CCDC7: variants seen among roughly 807,000 people sequenced by gnomAD.
CCDC7 encodes coiled-coil domain-containing protein 7.
Under a neutral mutation model 196.9 loss-of-function variants are expected in CCDC7, and 183 were observed. The ratio of observed to expected loss-of-function variants is 0.93; its 90% confidence interval spans 0.82 to 1.05. The LOEUF (loss-of-function observed/expected upper bound fraction) is 1.05, where lower values mean the gene tolerates loss of function less well. Ranked by LOEUF, CCDC7 falls within the 50% of genes least tolerant of loss-of-function variation. The pLI is 0.00. For synonymous variants in CCDC7, 525 were observed against 484.6 expected (o/e 1.08, Z -1.10); for missense variants, 1,540 against 1,482.2 (o/e 1.04, Z -0.64).
chr10:32,604,560 G>T (rs1465323271), intron 18 of CCDC7, among the ~76,000 whole-genome samples: 1 of 152,152 alleles, frequency 6.6e-6, no homozygotes, highest in Non-Finnish European at 1.5e-5. Flanking sequence ...CAGTGAGCAT[G>T]AGATGTTCTT....
intron 18 of CCDC7, among the ~76,000 whole-genome samples, chr10:32,585,536 C>A (rs1311942580): frequency 6.6e-6 from 1 of 152,110 alleles, no homozygotes; most frequent in Admixed American, 6.5e-5. Flanking sequence ...GGCCCCCACC[C>A]CTGACAGGCC....
chr10:32,740,774 T>C (rs1407319776), intron 28 of CCDC7, among the ~76,000 whole-genome samples: 2 of 152,238 alleles, frequency 1.3e-5, no homozygotes, highest in Non-Finnish European at 2.9e-5. Flanking sequence ...ATTAAAACTT[T>C]ATCTTTGTGT....
At chr10:32,569,066 A>G (rs991913725) in intron 15 of CCDC7, among the ~76,000 whole-genome samples, 6 of 152,260 alleles carry the variant, frequency 3.9e-5, no homozygotes, top group Non-Finnish European at 7.3e-5. Flanking sequence ...TAACTAAAAC[A>G]TCACATTGCT....
At chr10:32,697,990 G>C (rs2078007807) in intron 24 of CCDC7, among the ~76,000 whole-genome samples, 1 of 152,174 alleles carries the variant, frequency 6.6e-6, no homozygotes, top group Admixed American at 6.5e-5. Flanking sequence ...GAAGGATCAG[G>C]CAGCAACCTT....
rs2947052 is a variant in CCDC7 at position 32,518,254 on chromosome 10, C to A, written c.904-162C>A. Among the ~76,000 whole-genome samples the A allele has an allele frequency of 2.0e-3, 294 of 146,862 alleles. 3 individuals are homozygous for A. The highest frequency in any genetic ancestry group is 7.1e-3 in the African/African-American group (281 of 39,828). ...CCTTGACACGTGTAGATCTTTTATG[C>A]CTTTCAGCTCCAATTATTGTGTCAC... On this transcript the variant is annotated intron_variant, in intron 10 of 41. Coordinates refer to ENST00000639629, the Ensembl canonical transcript of CCDC7.
chr10:32,634,982 A>G (rs1007798148), intron 19 of CCDC7, 75 bp from the exon 21 acceptor site: 7 of 396,718 alleles, frequency 1.8e-5, no homozygotes, highest in African/African-American at 8.2e-5. Context: ...CATTAATTTT[A>G]CACAAATGAG....
At chr10:32,881,917 G>A (rs567763426), downstream of CCDC7, among the ~76,000 whole-genome samples, 6 of 152,172 alleles carry the variant, frequency 3.9e-5, no homozygotes, top group African/African-American at 1.2e-4. Flanking sequence ...CGAGGATCAC[G>A]ACACAAGTTC....
intron 25 of CCDC7, among the ~76,000 whole-genome samples, chr10:32,713,375 C>A (rs369596358): frequency 2.6e-5 from 4 of 152,238 alleles, no homozygotes; most frequent in African/African-American, 9.6e-5. Context: ...AAACTTTGTC[C>A]TAGGTGTAGG....
rs1590507844 is a variant in CCDC7, at chr10:32,608,224, C to A, written c.1801+23920C>A. On this transcript the variant is annotated intron_variant, in intron 18 of 41. Coordinates refer to ENST00000639629, the Ensembl canonical transcript of CCDC7. ...TTGTTGCTTAGTCCAGCTAACAGTT[C>A]ATCAATTTTGATTAGCTTTAAAAAA... Among the ~76,000 whole-genome samples the A allele has an allele frequency of 2.0e-5, 3 of 152,088 alleles. No individual in the cohort carries two copies. The East Asian group carries it at 5.8e-4, about 29-fold the overall frequency.
rs558505455 is a variant in CCDC7 at position 32,614,769 on chromosome 10, C to T, written c.1802-19485C>T. ...AACCACCCACCTTCTGCCATTAGCA[C>T]CTGCACATGTCCTTTGGGGGCCAAG... On this transcript the variant is annotated intron_variant, in intron 18 of 41. Coordinates refer to ENST00000639629, the Ensembl canonical transcript of CCDC7. 1.5e-3 allele frequency among the ~76,000 whole-genome samples: 221 copies of T among 152,310 alleles called. 1 individual carries two copies. Among genetic ancestry groups the T allele is most frequent in the African/African-American group, 5.1e-3 (210 of 41,562 alleles).
At chr10:32,794,727 A>G (rs1487315025) in intron 29 of CCDC7, among the ~76,000 whole-genome samples, 2 of 152,066 alleles carry the variant, frequency 1.3e-5, no homozygotes, top group South Asian at 2.1e-4. Flanking sequence ...TGGTGCATGT[A>G]TGTCTTCTTT....
chr10:32,717,955 T>G (rs2081874083), intron 25 of CCDC7, among the ~76,000 whole-genome samples: 1 of 149,434 alleles, frequency 6.7e-6, no homozygotes, highest in Admixed American at 6.7e-5. Flanking sequence ...ACCAGAGGTA[T>G]AATCAGGAGC....
At chr10:32,445,711 T>C (rs955857512), upstream of CCDC7, among the ~76,000 whole-genome samples, 7 of 152,270 alleles carry the variant, frequency 4.6e-5, no homozygotes, top group Admixed American at 3.9e-4. Context: ...GTCCATTTGA[T>C]TTTGTTTTGC....
chr10:32,812,070 A>G (rs1016697692), intron 30 of CCDC7, among the ~76,000 whole-genome samples: 5 of 152,146 alleles, frequency 3.3e-5, no homozygotes, highest in African/African-American at 1.2e-4. Flanking sequence ...CCTCAAACTA[A>G]TAAAGTCCAT....
rs557576213 is a variant in CCDC7 at position 32,705,386 on chromosome 10, G to A, written c.2459-6234G>A. On this transcript the variant is annotated intron_variant, in intron 24 of 41. Transcript: ENST00000639629. The stretch of plus-strand genomic sequence containing the variant: ...AACATGCCAAATTGTAAAGACCATC[G>A]ATGCTAGGAAGAAACTGCACCAACT... 5.9e-5 allele frequency among the ~76,000 whole-genome samples: 9 copies of A among 152,074 alleles called. No homozygotes were observed. In the South Asian group the frequency reaches 6.2e-4, roughly 11 times the overall value.
At position 32,822,000 on chromosome 10, in the gene CCDC7, GAA is replaced by G. The variant is rs35583848; in HGVS notation, c.3182-2508_3182-2507del. 2.0e-3 allele frequency among the ~76,000 whole-genome samples: 299 copies of G among 149,088 alleles called. 1 individual carries two copies. Among genetic ancestry groups the G allele is most frequent in the Non-Finnish European group, 3.7e-3 (253 of 67,480 alleles). On this transcript the variant is annotated intron_variant, in intron 31 of 41. Coordinates refer to ENST00000639629, the Ensembl canonical transcript of CCDC7. Reference sequence around the variant, plus strand: ...AAACAAAACAATAAATAAAAGTGCTGAAAAAAAAAAATCTACCAACCAATAAT... The same window carrying G: ...AAACAAAACAATAAATAAAAGTGCTGAAAAAAAAATCTACCAACCAATAAT...
At chr10:32,507,580 A>G (rs1399781046) in intron 9 of CCDC7, among the ~76,000 whole-genome samples, 1 of 152,084 alleles carries the variant, frequency 6.6e-6, no homozygotes, top group African/African-American at 2.4e-5. Flanking sequence ...CCTCCTGAGT[A>G]GCTGGAATTA....
At chr10:32,489,392 G>A (rs564669304) in intron 8 of CCDC7, among the ~76,000 whole-genome samples, 2 of 152,332 alleles carry the variant, frequency 1.3e-5, no homozygotes, top group East Asian at 1.9e-4. Context: ...GCGTGGGCTA[G>A]CTTGTTGTGG....
chr10:32,601,266 T>A (rs977130259), intron 18 of CCDC7, among the ~76,000 whole-genome samples: 3 of 152,200 alleles, frequency 2.0e-5, no homozygotes, highest in African/African-American at 7.2e-5. Context: ...AGTTGAGGTT[T>A]CACCATGTTG....
Sources: allele counts gnomAD v4.1 joint callset (sites outside exome capture counted in the v4.1 genomes callset), GRCh38; gene constraint gnomAD v4.1.1; transcripts MANE v1.5; gene names NCBI Gene and HGNC (gene_info 2026-07-23, HGNC 2026-07-21).